Variants in IFNGR1 observed in about 807,000 individuals in gnomAD.
IFNGR1 encodes interferon gamma receptor 1.
Under a neutral mutation model 35.4 loss-of-function variants are expected in IFNGR1, and 23 were observed. That is an observed-to-expected ratio of 0.65 (90% CI 0.47 to 0.92). The LOEUF is 0.92. IFNGR1 is among the 40% of genes least tolerant of loss of function. The probability of loss-of-function intolerance (pLI) is 0.00; values close to 1 mark genes in which losing one functional copy is unlikely to be tolerated. For synonymous variants in IFNGR1, 199 were observed against 209.5 expected, an observed-to-expected ratio of 0.95 and a Z score of 0.43; for missense variants, 533 against 583.4, an observed-to-expected ratio of 0.91 and a Z score of 0.89.
chr6:137,210,605 A>G (rs564781759), intron 1 of IFNGR1, among the ~76,000 whole-genome samples: 1 of 152,324 alleles, frequency 6.6e-6, no homozygotes, highest in African/African-American at 2.4e-5. Flanking sequence ...TGTGAGAGGG[A>G]CAGAAGTTTC....
intron 1 of IFNGR1, among the ~76,000 whole-genome samples, chr6:137,208,520 G>A (rs552461796): frequency 8.5e-5 from 13 of 152,338 alleles, no homozygotes; most frequent in African/African-American, 2.4e-4. Context: ...GGTGCCTTGC[G>A]TCCCAGCTGC....
intron 1 of IFNGR1, chr6:137,209,963 CAGA>C (rs1455008186): frequency 1.3e-5 from 5 of 398,482 alleles, no homozygotes; most frequent in South Asian, 2.5e-4. Context: ...TTCACTCTTT[CAGA>C]AAACATCTGT....
chr6:137,212,189 G>A (rs979248876), intron 1 of IFNGR1, among the ~76,000 whole-genome samples: 1 of 152,126 alleles, frequency 6.6e-6, no homozygotes, highest in East Asian at 1.9e-4. Context: ...TCAGCTTTCT[G>A]CCACTACATA....
intron 1 of IFNGR1, among the ~76,000 whole-genome samples, chr6:137,217,407 C>T (rs978396798): frequency 7.2e-5 from 11 of 152,334 alleles, no homozygotes; most frequent in Non-Finnish European, 2.9e-5. Flanking sequence ...ACTTCAGGCA[C>T]GCCATTCCGC....
At chr6:137,215,254 A>G in intron 1 of IFNGR1, 1 of 1,544,846 alleles carries the variant, frequency 6.5e-7, no homozygotes, top group Non-Finnish European at 8.7e-7. Context: ...TAATAAAATA[A>G]GGGGTAAATT....
chr6:137,210,007 ACAGAAGTCATTTTAACATCTAAT>A, intron 1 of IFNGR1: 1 of 397,244 alleles, frequency 2.5e-6, no homozygotes, highest in Non-Finnish European at 4.4e-6. Flanking sequence ...AAGAGAACAG[ACAGAAGTCATTTTAACATCTAAT>A]CAGACACTAC....
intron 1 of IFNGR1, among the ~76,000 whole-genome samples, chr6:137,211,596 T>C (rs1384103700): frequency 6.6e-6 from 1 of 152,208 alleles, no homozygotes; most frequent in Non-Finnish European, 1.5e-5. Flanking sequence ...TCTGGTTCTC[T>C]AAGCAACTTC....
intron 5 of IFNGR1, among the ~76,000 whole-genome samples, chr6:137,202,604 C>T (rs1271748492): frequency 6.5e-5 from 2 of 30,930 alleles, no homozygotes; most frequent in African/African-American, 1.1e-4. Context: ...TATATGTATA[C>T]ACACACACAC....
At chr6:137,212,171 A>C (rs1241052795) in intron 1 of IFNGR1, among the ~76,000 whole-genome samples, 1 of 152,190 alleles carries the variant, frequency 6.6e-6, no homozygotes, top group African/African-American at 2.4e-5. Context: ...TGAAGGCTAC[A>C]GTGTCACTCA....
chr6:137,210,241 T>C (rs1456313510), intron 1 of IFNGR1, among the ~76,000 whole-genome samples: 1 of 152,032 alleles, frequency 6.6e-6, no homozygotes, highest in Non-Finnish European at 1.5e-5. Context: ...GGAAGATTGC[T>C]TGAGCCCAGG....
intron 1 of IFNGR1, chr6:137,209,800 T>C (rs1779532811): frequency 2.5e-6 from 1 of 398,774 alleles, no homozygotes; most frequent in Non-Finnish European, 4.4e-6. Flanking sequence ...ACTCTACACA[T>C]ACTACTATTT....
chr6:137,212,380 C>T (rs543014950), intron 1 of IFNGR1, among the ~76,000 whole-genome samples: 1 of 152,310 alleles, frequency 6.6e-6, no homozygotes, highest in South Asian at 2.1e-4. Flanking sequence ...GCCTCAGCCT[C>T]CCGAGTAGCT....
intron 1 of IFNGR1, chr6:137,218,851 G>A (rs994429407): frequency 6.1e-5 from 22 of 359,732 alleles, no homozygotes; most frequent in Non-Finnish European, 1.0e-4. Flanking sequence ...TAGCATACTA[G>A]TGAGTATCTG....
At chr6:137,199,567 A>ATTATATATT (rs1185525239) in intron 6 of IFNGR1, among the ~76,000 whole-genome samples, 2 of 66,162 alleles carry the variant, frequency 3.0e-5, no homozygotes, top group African/African-American at 6.0e-5. Flanking sequence ...AAATATATAT[A>ATTATATATT]ATATATAATA....
At chr6:137,199,524 A>AT (rs1779208400) in intron 6 of IFNGR1, among the ~76,000 whole-genome samples, 1 of 91,984 alleles carries the variant, frequency 1.1e-5, no homozygotes, top group East Asian at 2.9e-4. Flanking sequence ...AATATATTAT[A>AT]TATAATATAT....
At chr6:137,207,106 C>A (rs767897049) in intron 1 of IFNGR1, 29 bp from the exon 2 acceptor site, 3 of 1,611,940 alleles carry the variant, frequency 1.9e-6, no homozygotes, top group East Asian at 2.2e-5. Flanking sequence ...GTAAAAGGGA[C>A]AATTGTAAGA....
At position 137,198,300 on chromosome 6, in the gene IFNGR1, T is replaced by A; in HGVS notation, c.1201A>T (p.Asn401Tyr). The A allele has an allele frequency of 6.2e-7, 1 of 1,614,078 alleles. No individual in the cohort carries two copies. Among genetic ancestry groups the A allele is most frequent in the South Asian group, 1.1e-5 (1 of 91,078 alleles). ...SIALNSYHSR[N>Y]CSESDHSRNG... ...CTGGAGTGATCACTCTCAGAACAAT[T>A]TCTGGAGTGATACGAGTTTAAAGCG... Residue 401 changes from asparagine to tyrosine, a missense_variant, in exon 7 of 7, where the codon AAT becomes TAT. By Grantham distance (143) the Asn-to-Tyr change is moderately radical. Transcript: ENST00000367739.
At chr6:137,214,503 C>G (rs1413358075) in intron 1 of IFNGR1, among the ~76,000 whole-genome samples, 5 of 152,148 alleles carry the variant, frequency 3.3e-5, no homozygotes, top group South Asian at 2.1e-4. Flanking sequence ...TTTTAAAGAG[C>G]CAGGCATAAC....
At chr6:137,209,336 G>C (rs968600380) in intron 1 of IFNGR1, among the ~76,000 whole-genome samples, 2 of 152,104 alleles carry the variant, frequency 1.3e-5, no homozygotes, top group Non-Finnish European at 2.9e-5. Context: ...GAAATGTAAG[G>C]ACATGAGATT....
Sources: allele counts gnomAD v4.1 joint callset (sites outside exome capture counted in the v4.1 genomes callset), GRCh38; gene constraint gnomAD v4.1.1; transcripts MANE v1.5; gene names NCBI Gene and HGNC (gene_info 2026-07-23, HGNC 2026-07-21).